The following ERC1 variants were observed in gnomAD, a reference collection of about 807,000 sequenced individuals.
ERC1 encodes RAB6 interacting protein 2.
ERC1 carries 56 observed loss-of-function variants against 132.0 expected under a neutral mutation model. That is an observed-to-expected ratio of 0.42 (90% CI 0.34 to 0.53). ERC1 has a LOEUF of 0.53. Ranked by LOEUF, ERC1 falls within the 20% of genes least tolerant of loss-of-function variation. ERC1 has a pLI of 0.03. For missense variants in ERC1, 1,202 were observed against 1,349.9 expected (o/e 0.89, Z 1.72); for synonymous variants, 478 against 476.1 (o/e 1.00, Z -0.05).
chr12:1,483,668 C>CTTTTTTTTTTTTTTTTTTT (rs35596394), intron 18 of ERC1, among the ~76,000 whole-genome samples: 1 of 55,190 alleles, frequency 1.8e-5, no homozygotes. Context: ...CCACTGAGAG[C>CTTTTTTTTTTTTTTTTTTT]TTTTTTTTTT....
rs570282707 is a variant in ERC1 at position 1,161,606 on chromosome 12, G to GA, written c.1738-18934_1738-18933insA. 4.5e-3 allele frequency among the ~76,000 whole-genome samples: 690 copies of GA among 152,230 alleles called. 1 individual carries two copies. The highest frequency in any genetic ancestry group is 7.1e-3 in the Non-Finnish European group (483 of 68,010). Reference sequence around the variant, plus strand: ...TTAATTTAGGAAGCAGTTGAGTTGAGTTTTTTTCTCCTCTGTCCCAGAAGA... The same window carrying GA: ...TTAATTTAGGAAGCAGTTGAGTTGAGATTTTTTTCTCCTCTGTCCCAGAAGA... On this transcript the variant is annotated intron_variant, in intron 8 of 18. Coordinates refer to ENST00000360905, the MANE Select transcript of ERC1 (RefSeq NM_178040.4).
rs534044081 is a variant in ERC1, at chr12:1,078,246, G to C, written c.670-4918G>C. Among the ~76,000 whole-genome samples, 6 of 152,120 alleles carry C rather than the reference G, an allele frequency of 3.9e-5. No homozygotes were observed. In the South Asian group the frequency reaches 1.2e-3, roughly 31 times the overall value. On this transcript the variant is annotated intron_variant, in intron 2 of 18. Transcript: ENST00000360905. ...TTTCACTTCTGGTATTTCCCTTTGG[G>C]ATATATTCACTCAGGAGTGTCAGGA...
chr12:1,233,759 C>A (rs1394443813), intron 12 of ERC1, among the ~76,000 whole-genome samples: 1 of 151,972 alleles, frequency 6.6e-6, no homozygotes, highest in East Asian at 1.9e-4. Context: ...CACTGGCATT[C>A]AAAAAGGGTA....
chr12:1,139,547 G>C lies in ERC1; in HGVS notation c.1570-2073G>C, dbSNP rs190875342. ...CATAGTGTGTATAGGGTTTGATACT[G>C]TCTGTGGTTTCAGGCATCCACTGGG... On this transcript the variant is annotated intron_variant, in intron 7 of 18. Transcript: ENST00000360905. Among the ~76,000 whole-genome samples the C allele has an allele frequency of 5.3e-5, 8 of 152,266 alleles. No homozygotes were observed. In the East Asian group the frequency reaches 9.6e-4, roughly 18 times the overall value.
At position 1,424,947 on chromosome 12, in the gene ERC1, C is replaced by G. The variant is rs1591972902; in HGVS notation, c.3024+16700C>G. On this transcript the variant is annotated intron_variant, in intron 17 of 18. Coordinates refer to ENST00000360905, the MANE Select transcript of ERC1 (RefSeq NM_178040.4). ...TACTCCACAGGTCGATAATAGCTCA[C>G]TAACGCATAGCCAGGGAGATGTCAG... Among the ~76,000 whole-genome samples the G allele has an allele frequency of 3.3e-5, 5 of 152,248 alleles. No homozygotes were observed. In the South Asian group the frequency reaches 1.0e-3, roughly 32 times the overall value.
At chr12:1,057,251 G>A (rs1367744358) in intron 2 of ERC1, among the ~76,000 whole-genome samples, 1 of 152,120 alleles carries the variant, frequency 6.6e-6, no homozygotes, top group Non-Finnish European at 1.5e-5. Flanking sequence ...AGCCTCCTGA[G>A]TAGCTGGGAT....
chr12:1,283,597 G>A (rs1170448639), intron 14 of ERC1, among the ~76,000 whole-genome samples: 2 of 152,228 alleles, frequency 1.3e-5, no homozygotes, highest in Non-Finnish European at 2.9e-5. Context: ...TACCAGGAAT[G>A]TATGGTACCA....
chr12:1,269,662 C>T (rs777383854), intron 14 of ERC1, among the ~76,000 whole-genome samples: 1 of 152,108 alleles, frequency 6.6e-6, no homozygotes, highest in African/African-American at 2.4e-5. Context: ...TTAAAGTAGC[C>T]TAGGCTGGAT....
At chr12:1,411,981 C>G (rs558756852) in intron 17 of ERC1, among the ~76,000 whole-genome samples, 1 of 152,168 alleles carries the variant, frequency 6.6e-6, no homozygotes, top group Non-Finnish European at 1.5e-5. Flanking sequence ...TTAGCTTTTT[C>G]CAATTATCGC....
rs149029059 is a variant in ERC1 at position 1,242,098 on chromosome 12, C to T, written c.2487+5194C>T. ...CTGACCTCAGGTGATTCAGCCACCTCGGCCTCCCAAAGTGCTGGGATTATA... is the reference window on the plus strand; with the variant it reads ...CTGACCTCAGGTGATTCAGCCACCTTGGCCTCCCAAAGTGCTGGGATTATA... On this transcript the variant is annotated intron_variant, in intron 13 of 18. Transcript: ENST00000360905. Among the ~76,000 whole-genome samples the T allele has an allele frequency of 1.1e-3, 162 of 151,994 alleles. 1 individual carries two copies. Among genetic ancestry groups the T allele is most frequent in the Middle Eastern group, 6.8e-3 (2 of 292 alleles).
intron 15 of ERC1, among the ~76,000 whole-genome samples, chr12:1,329,964 T>C (rs966963719): frequency 1.3e-5 from 2 of 152,220 alleles, no homozygotes; most frequent in Non-Finnish European, 2.9e-5. Context: ...CAGTTCCCAA[T>C]GGAAGTAAAT....
At chr12:1,227,995 C>G (rs1412536767) in intron 12 of ERC1, among the ~76,000 whole-genome samples, 4 of 152,130 alleles carry the variant, frequency 2.6e-5, no homozygotes, top group African/African-American at 7.2e-5. Flanking sequence ...GTTTTCTATT[C>G]TGTTCCATTG....
intron 13 of ERC1, among the ~76,000 whole-genome samples, chr12:1,260,564 A>C (rs779635712): frequency 2.0e-5 from 3 of 152,208 alleles, no homozygotes; most frequent in Non-Finnish European, 4.4e-5. Flanking sequence ...CATTTTATTA[A>C]ATTAAATAGG....
chr12:1,048,009 G>A (rs966341006), intron 2 of ERC1, among the ~76,000 whole-genome samples: 3 of 152,088 alleles, frequency 2.0e-5, no homozygotes, highest in Middle Eastern at 3.2e-3. Flanking sequence ...TGTGGAAGTC[G>A]CCTTCCTTTG....
chr12:1,125,531 G>A (rs568923826), intron 7 of ERC1, among the ~76,000 whole-genome samples: 1 of 152,094 alleles, frequency 6.6e-6, no homozygotes, highest in East Asian at 1.9e-4. Flanking sequence ...ACACCAAGCA[G>A]TCGGCCGGGC....
chr12:1,449,177 A>T (rs1214131549), intron 18 of ERC1, among the ~76,000 whole-genome samples: 2 of 152,158 alleles, frequency 1.3e-5, no homozygotes, highest in African/African-American at 4.8e-5. Context: ...TCTAGGAAGT[A>T]ACTAACTTGC....
At chr12:1,065,938 C>T (rs534956754) in intron 2 of ERC1, among the ~76,000 whole-genome samples, 4 of 152,136 alleles carry the variant, frequency 2.6e-5, no homozygotes, top group Admixed American at 1.3e-4. Context: ...TGTATGGTTC[C>T]GTGTATATGT....
At chr12:1,383,671 T>C (rs1275963915) in intron 16 of ERC1, among the ~76,000 whole-genome samples, 2 of 152,146 alleles carry the variant, frequency 1.3e-5, no homozygotes, top group African/African-American at 2.4e-5. Flanking sequence ...TTAAATGATA[T>C]TTGCATTCAA....
At chr12:1,398,103 C>T (rs2090692788) in intron 16 of ERC1, among the ~76,000 whole-genome samples, 1 of 152,146 alleles carries the variant, frequency 6.6e-6, no homozygotes, top group Non-Finnish European at 1.5e-5. Context: ...CCCACCTCAG[C>T]CTCCCAAGTA....
Sources: gnomAD v4.1 joint callset for allele counts (sites outside exome capture counted in the v4.1 genomes callset) on GRCh38, gnomAD v4.1.1 for gene constraint, MANE v1.5 for transcripts, NCBI Gene and HGNC (gene_info 2026-07-23, HGNC 2026-07-21) for gene names.